Variants in HNF4G observed in about 807,000 individuals in gnomAD.
HNF4G encodes hepatocyte nuclear factor 4 gamma.
In HNF4G, 21 loss-of-function variants were observed where a neutral mutation model predicts 50.9. The observed-to-expected ratio is 0.41, with a 90% confidence interval of 0.29 to 0.59. The LOEUF (loss-of-function observed/expected upper bound fraction) is 0.59. Among genes scored for constraint, HNF4G ranks in the 20% least tolerant of loss-of-function variants. The pLI is 0.26. For missense variants in HNF4G, 527 were observed against 559.4 expected, an observed-to-expected ratio of 0.94 and a Z score of 0.58; for synonymous variants, 198 against 185.6, an observed-to-expected ratio of 1.07 and a Z score of -0.54.
At chr8:75,433,707 A>C (rs1217630497) in intron 1 of HNF4G, among the ~76,000 whole-genome samples, 1 of 151,616 alleles carries the variant, frequency 6.6e-6, no homozygotes, top group African/African-American at 2.4e-5. Context: ...CTGAAGATAC[A>C]ATTTTAAACC....
chr8:75,470,328 G>A (rs555558330), intron 1 of HNF4G, among the ~76,000 whole-genome samples: 1 of 152,318 alleles, frequency 6.6e-6, no homozygotes, highest in South Asian at 2.1e-4. Flanking sequence ...TATAATCACT[G>A]TTCTTGGCTT....
chr8:75,490,489 G>A (rs886216937), intron 2 of HNF4G, among the ~76,000 whole-genome samples: 6 of 152,002 alleles, frequency 3.9e-5, no homozygotes, highest in Non-Finnish European at 7.3e-5. Context: ...TTATATGCAC[G>A]TTTGGAGCCT....
At chr8:75,544,922 G>T (rs1179247128) in intron 2 of HNF4G, among the ~76,000 whole-genome samples, 1 of 152,010 alleles carries the variant, frequency 6.6e-6, no homozygotes, top group Non-Finnish European at 1.5e-5. Flanking sequence ...TTCCTAGGGT[G>T]CAATACAAGT....
chr8:75,463,319 C>G (rs1314189824), intron 1 of HNF4G, among the ~76,000 whole-genome samples: 1 of 152,142 alleles, frequency 6.6e-6, no homozygotes, highest in African/African-American at 2.4e-5. Flanking sequence ...AGTATCACCT[C>G]TGCCTCGTCA....
chr8:75,526,168 A>C (rs1394261619), intron 2 of HNF4G, among the ~76,000 whole-genome samples: 1 of 151,466 alleles, frequency 6.6e-6, no homozygotes, highest in East Asian at 1.9e-4. Flanking sequence ...TCACTCTGTC[A>C]CCCAGGCTGG....
At chr8:75,478,950 G>A (rs951418793) in intron 1 of HNF4G, among the ~76,000 whole-genome samples, 1 of 152,098 alleles carries the variant, frequency 6.6e-6, no homozygotes, top group African/African-American at 2.4e-5. Context: ...TCGAACTCCC[G>A]ACCTCAGGTG....
chr8:75,436,286 C>T (rs1811134353), intron 1 of HNF4G, among the ~76,000 whole-genome samples: 1 of 152,184 alleles, frequency 6.6e-6, no homozygotes, highest in African/African-American at 2.4e-5. Flanking sequence ...AACTGACTAG[C>T]TCATCTGAAC....
chr8:75,449,509 C>CCT (rs1811524632), intron 1 of HNF4G, among the ~76,000 whole-genome samples: 2 of 129,330 alleles, frequency 1.5e-5, no homozygotes, highest in African/African-American at 2.9e-5. Flanking sequence ...ATATTTTTTT[C>CCT]TTTTTTTTTT....
At chr8:75,439,716 A>C (rs1467327501) in intron 1 of HNF4G, among the ~76,000 whole-genome samples, 7 of 152,028 alleles carry the variant, frequency 4.6e-5, no homozygotes, top group Non-Finnish European at 7.4e-5. Flanking sequence ...CAAAAACTTC[A>C]AACATTCTCT....
At chr8:75,438,409 G>A (rs528554467) in intron 1 of HNF4G, among the ~76,000 whole-genome samples, 1 of 152,244 alleles carries the variant, frequency 6.6e-6, no homozygotes, top group East Asian at 1.9e-4. Flanking sequence ...CCTAAAACAA[G>A]TTCTGGATAT....
intron 1 of HNF4G, among the ~76,000 whole-genome samples, chr8:75,413,568 C>T (rs994588641): frequency 6.6e-6 from 1 of 151,824 alleles, no homozygotes; most frequent in Non-Finnish European, 1.5e-5. Context: ...GCTGGGGATA[C>T]CTATAAAAAA....
chr8:75,411,927 G>T (rs1446110138), intron 1 of HNF4G, among the ~76,000 whole-genome samples: 3 of 152,186 alleles, frequency 2.0e-5, no homozygotes, highest in Non-Finnish European at 4.4e-5. Context: ...ATTTAGAACA[G>T]TGCCTGGCAC....
At chr8:75,456,368 A>AT (rs1811723837) in intron 1 of HNF4G, among the ~76,000 whole-genome samples, 1 of 152,178 alleles carries the variant, frequency 6.6e-6, no homozygotes, top group Non-Finnish European at 1.5e-5. Flanking sequence ...AATTTAGGGA[A>AT]TAGTATAAGC....
At chr8:75,481,841 T>C (rs767446511) in intron 1 of HNF4G, among the ~76,000 whole-genome samples, 26 of 151,330 alleles carry the variant, frequency 1.7e-4, no homozygotes, top group Non-Finnish European at 1.8e-4. Context: ...AAAAAAAATG[T>C]GTAATGGCCA....
chr8:75,451,975 G>C (rs1260373929), intron 1 of HNF4G, among the ~76,000 whole-genome samples: 3 of 152,128 alleles, frequency 2.0e-5, no homozygotes, highest in African/African-American at 7.2e-5. Context: ...AGGCACCTAA[G>C]TAGCAAACAT....
Position 75,501,560 on chromosome 8 carries a change from T to C in HNF4G, c.-24+11352T>C, listed in dbSNP as rs564810473. ...TTTGTTATTTTTTTCACATGAAAAA[T>C]TATTGTTGAAGAGATTTTGTTCAGT... On this transcript the variant is annotated intron_variant, in intron 2 of 10. Transcript: ENST00000354370. Among the ~76,000 whole-genome samples, 14 of 152,208 alleles carry C rather than the reference T, an allele frequency of 9.2e-5. No homozygotes were observed. In the East Asian group the frequency reaches 2.7e-3, roughly 30 times the overall value.
intron 1 of HNF4G, among the ~76,000 whole-genome samples, chr8:75,467,208 T>C (rs1812009045): frequency 6.6e-6 from 1 of 152,174 alleles, no homozygotes; most frequent in Non-Finnish European, 1.5e-5. Flanking sequence ...TACTAAAGCA[T>C]TTATTTATTT....
chr8:75,537,438 G>A (rs979770418), upstream of HNF4G, among the ~76,000 whole-genome samples: 3 of 151,848 alleles, frequency 2.0e-5, no homozygotes, highest in African/African-American at 7.3e-5. Flanking sequence ...TAGAGATAGC[G>A]TTTTGCCATG....
At chr8:75,512,749 CCACCGCGCCCG>C (rs1805792527) in intron 2 of HNF4G, among the ~76,000 whole-genome samples, 1 of 152,110 alleles carries the variant, frequency 6.6e-6, no homozygotes, top group Non-Finnish European at 1.5e-5. Flanking sequence ...CAGGTGTGAG[CCACCGCGCCCG>C]GTCAACATCT....
Sources: gnomAD v4.1 joint callset for allele counts (sites outside exome capture counted in the v4.1 genomes callset) on GRCh38, gnomAD v4.1.1 for gene constraint, MANE v1.5 for transcripts, NCBI Gene and HGNC (gene_info 2026-07-23, HGNC 2026-07-21) for gene names.